The following DENND2B variants were observed in gnomAD, a reference collection of about 807,000 sequenced individuals.
DENND2B encodes DENN domain-containing protein 2B.
A neutral mutation model predicts 116.0 loss-of-function variants in DENND2B; 32 were observed. The observed-to-expected ratio is 0.28, with a 90% CI of 0.21 to 0.37. The LOEUF (loss-of-function observed/expected upper bound fraction) is 0.37, where lower values mean the gene tolerates loss of function less well. Ranked by LOEUF, DENND2B falls within the 10% of genes least tolerant of loss-of-function variation. DENND2B has a pLI of 1.00. For missense variants in DENND2B, 1,276 were observed against 1,477.7 expected, an observed-to-expected ratio of 0.86 and a Z score of 2.24; for synonymous variants, 588 against 583.9, an observed-to-expected ratio of 1.01 and a Z score of -0.10.
intron 19 of DENND2B, among the ~76,000 whole-genome samples, chr11:8,695,081 TATAAA>T (rs1041288498): frequency 3.9e-5 from 6 of 151,918 alleles, no homozygotes; most frequent in African/African-American, 1.2e-4. Flanking sequence ...ATAAATAAAA[TATAAA>T]ATAAAATAAC....
chr11:8,825,376 T>C (rs2061938557), intron 4 of DENND2B, among the ~76,000 whole-genome samples: 1 of 152,178 alleles, frequency 6.6e-6, no homozygotes, highest in Admixed American at 6.5e-5. Flanking sequence ...AATGGGTTTT[T>C]TTTTTCTTGT....
In DENND2B at chr11:8,714,591, CT is replaced by C; in HGVS notation, c.1942+18del. ...CAAGGGCCCCAAACAGCTGAACCAG[CT>C]CTGGCACCAAAGCCTACCTCTCAGT... On this transcript the variant is annotated intron_variant, in intron 7 of 19. Coordinates refer to ENST00000313726, the MANE Select transcript of DENND2B (RefSeq NM_213618.2). 6.2e-7 allele frequency: 1 copy of C among 1,609,098 alleles called. No homozygotes were observed. The highest frequency in any genetic ancestry group is 8.5e-7 in the Non-Finnish European group (1 of 1,175,972).
At chr11:8,804,360 C>T (rs1005329610) in intron 1 of DENND2B, among the ~76,000 whole-genome samples, 11 of 132,612 alleles carry the variant, frequency 8.3e-5, no homozygotes, top group Non-Finnish European at 1.7e-4. Flanking sequence ...ATGCAGCAGC[C>T]ATAAGACATG....
At chr11:8,863,346 T>TCCCAGGTTCACACCATTCGCCTGC (rs543669262) in intron 2 of DENND2B, among the ~76,000 whole-genome samples, 1 of 81,270 alleles carries the variant, frequency 1.2e-5, no homozygotes, top group Non-Finnish European at 2.5e-5. Context: ...AAGCTCCACC[T>TCCCAGGTTCACACCATTCGCCTGC]CTCAGCCTCC....
chr11:8,811,730 T>C (rs879133574), upstream of DENND2B: 4 of 160,406 alleles, frequency 2.5e-5, no homozygotes, highest in African/African-American at 7.2e-5. Context: ...GTTTATTTAT[T>C]ATTCTTCTTA....
intron 1 of DENND2B, among the ~76,000 whole-genome samples, chr11:8,796,863 A>G (rs926225724): frequency 6.6e-6 from 1 of 152,154 alleles, no homozygotes; most frequent in Non-Finnish European, 1.5e-5. Flanking sequence ...ACTGCTTCCA[A>G]GTCTTGCCAC....
intron 13 of DENND2B, among the ~76,000 whole-genome samples, chr11:8,704,645 C>G (rs900298385): frequency 2.0e-5 from 3 of 152,228 alleles, no homozygotes; most frequent in African/African-American, 7.2e-5. Flanking sequence ...ATTCTTCCCT[C>G]TCCTAGAACC....
chr11:8,836,051 A>C (rs950900540), intron 4 of DENND2B, among the ~76,000 whole-genome samples: 7 of 152,078 alleles, frequency 4.6e-5, no homozygotes, highest in African/African-American at 1.7e-4. Context: ...ATACATAAAA[A>C]CATGGTGAAT....
chr11:8,810,859 T>G (rs895102561), upstream of DENND2B: 1 of 152,810 alleles, frequency 6.5e-6, no homozygotes, highest in African/African-American at 2.5e-5. Context: ...GAGGCTTCCA[T>G]GAAACAGCAC....
chr11:8,877,981 A>G (rs2742540), intron 2 of DENND2B, among the ~76,000 whole-genome samples: 62,968 of 152,054 alleles, frequency 0.41, 13,616 homozygotes, highest in Non-Finnish European at 0.48. Context: ...GAAATATGGG[A>G]ATTTGCAGAA....
intron 1 of DENND2B, among the ~76,000 whole-genome samples, chr11:8,778,019 A>T (rs1365136100): frequency 6.6e-6 from 1 of 152,220 alleles, no homozygotes; most frequent in Non-Finnish European, 1.5e-5. Context: ...AGCTTACCCA[A>T]AACAACAGTC....
rs1486519446 is a variant in DENND2B, at chr11:8,750,628, G to C, written c.73C>G (p.Leu25Val). 1 of 1,613,970 alleles carries C rather than the reference G, an allele frequency of 6.2e-7. No homozygotes were observed. Among genetic ancestry groups the C allele is most frequent in the Non-Finnish European group, 8.5e-7 (1 of 1,180,002 alleles). Reference protein sequence around the residue: ...AGGTKAPRGTLSRSQSVSPPP... With the variant: ...AGGTKAPRGTVSRSQSVSPPP... ...AAGTGCTCCCTTACCCACCTGCTCA[G>C]AGTCCCCCGAGGGGCTTTAGTGCCA... Residue 25 changes from leucine to valine, a missense_variant, in exon 2 of 20, where the codon CTG becomes GTG. Leu to Val is a conservative substitution (Grantham distance 32). This residue lies in a region of DENND2B where 856 missense variants were observed against 846.6 expected (regional missense o/e 1.01). Transcript: ENST00000313726.
At chr11:8,711,816 G>A (rs1316541341) in intron 9 of DENND2B, 16 of 309,858 alleles carry the variant, frequency 5.2e-5, no homozygotes, top group South Asian at 2.8e-4. Flanking sequence ...GCAGTGAGCC[G>A]AGATAGCGCC....
rs1396035713 is a variant in DENND2B at position 8,717,815 on chromosome 11, A to G, written c.1555T>C (p.Ser519Pro). The G allele has an allele frequency of 6.2e-7, 1 of 1,613,370 alleles. No individual in the cohort carries two copies. Among genetic ancestry groups the G allele is most frequent in the African/African-American group, 1.3e-5 (1 of 74,994 alleles). ...RRAGRKSQQL[S>P]ENSLDSLHRM... is the part of the protein sequence containing the mutation. Reference sequence around the variant, plus strand: ...TGCAAAGAGTCCAAGGAGTTCTCAGACAGTTGCTGGGATTTTCGTCCTGCT... The same window carrying G: ...TGCAAAGAGTCCAAGGAGTTCTCAGGCAGTTGCTGGGATTTTCGTCCTGCT... The change falls in exon 5 of 20, where the codon TCT becomes CCT. Residue 519 changes from serine (S) to proline (P), a missense_variant. By Grantham distance (74) the Ser-to-Pro change is moderately conservative (BLOSUM62 -1). Coordinates refer to ENST00000313726, the MANE Select transcript of DENND2B (RefSeq NM_213618.2).
At chr11:8,779,929 C>T (rs2058204964) in intron 1 of DENND2B, among the ~76,000 whole-genome samples, 1 of 152,232 alleles carries the variant, frequency 6.6e-6, no homozygotes, top group African/African-American at 2.4e-5. Context: ...GTACTCAAGG[C>T]TCCTGCTCCC....
intron 2 of DENND2B, among the ~76,000 whole-genome samples, chr11:8,739,051 C>A (rs1252535139): frequency 6.6e-6 from 1 of 152,212 alleles, no homozygotes; most frequent in Non-Finnish European, 1.5e-5. Flanking sequence ...TCTTGTTAAT[C>A]TTGATAGCCC....
In DENND2B at chr11:8,701,352, G is replaced by T. The variant is rs998381974; in HGVS notation, c.2720+1220C>A. 1.1e-3 allele frequency among the ~76,000 whole-genome samples: 105 copies of T among 93,686 alleles called. 14 individuals are homozygous for T. The highest frequency in any genetic ancestry group is 2.0e-3 in the Non-Finnish European group (92 of 45,014). 61.5% of individuals were successfully genotyped at this position (93,686 alleles called of 152,430 possible). A position where few individuals can be genotyped will look rare whatever the true frequency, so the allele number is the denominator to read the frequency against. On this transcript the variant is annotated intron_variant, in intron 14 of 19. Transcript: ENST00000313726. ...ATGGGAAGGCCAGCTTCCGGGGGGG[G>T]GGGGGGGAGGGGCTACATGAATGAC...
chr11:8,750,546 A>T, intron 2 of DENND2B, 75 bp downstream of exon 2: 1 of 1,248,198 alleles, frequency 8.0e-7, no homozygotes, highest in Non-Finnish European at 1.2e-6. Context: ...GATGATGACT[A>T]TTTACATTTT....
At chr11:8,835,074 A>C (rs544000160) in intron 4 of DENND2B, among the ~76,000 whole-genome samples, 1 of 152,086 alleles carries the variant, frequency 6.6e-6, no homozygotes, top group South Asian at 2.1e-4. Context: ...GGCAAAACCT[A>C]TCTCTACAAA....
Sources: allele counts gnomAD v4.1 joint callset (sites outside exome capture counted in the v4.1 genomes callset), GRCh38; gene constraint gnomAD v4.1.1; regional missense constraint gnomAD v4.1.1; transcripts MANE v1.5; gene names NCBI Gene and HGNC (gene_info 2026-07-23, HGNC 2026-07-21).